The following PARD3B variants were observed in gnomAD, a reference collection of about 807,000 sequenced individuals.
The protein encoded by PARD3B is partitioning defective 3 homolog B.
Under a neutral mutation model 130.2 loss-of-function variants are expected in PARD3B, and 103 were observed. That is an observed-to-expected ratio of 0.79 (90% CI 0.67 to 0.93). PARD3B has a LOEUF of 0.93. PARD3B is among the 40% of genes least tolerant of loss of function. The probability of loss-of-function intolerance (pLI) is 0.00; values close to 1 mark genes in which losing one functional copy is unlikely to be tolerated. For missense variants in PARD3B, 1,609 were observed against 1,499.2 expected (o/e 1.07, Z -1.21); for synonymous variants, 583 against 553.2 (o/e 1.05, Z -0.76).
intron 2 of PARD3B, among the ~76,000 whole-genome samples, chr2:204,786,998 A>G (rs1369642603): frequency 6.6e-6 from 1 of 152,096 alleles, no homozygotes; most frequent in Non-Finnish European, 1.5e-5. Context: ...GTTTCTTTAG[A>G]GTCTAGATCA....
chr2:204,834,699 A>T (rs1344646749), intron 2 of PARD3B, among the ~76,000 whole-genome samples: 1 of 152,206 alleles, frequency 6.6e-6, no homozygotes, highest in Non-Finnish European at 1.5e-5. Context: ...AGCTGGCAAA[A>T]GGAAAATAGG....
intron 1 of PARD3B, among the ~76,000 whole-genome samples, chr2:204,568,506 A>T (rs922521614): frequency 3.9e-5 from 6 of 152,194 alleles, no homozygotes; most frequent in South Asian, 2.1e-4. Context: ...CTTTAAAAAA[A>T]TTTTTTTAAG....
intron 22 of PARD3B, among the ~76,000 whole-genome samples, chr2:205,582,513 C>T (rs1168012935): frequency 6.6e-6 from 1 of 151,994 alleles, no homozygotes; most frequent in African/African-American, 2.4e-5. Context: ...GTTTGAGGTT[C>T]TCAAGGAGGC....
At chr2:205,026,976 T>C (rs1244555658) in intron 3 of PARD3B, among the ~76,000 whole-genome samples, 1 of 152,186 alleles carries the variant, frequency 6.6e-6, no homozygotes, top group Non-Finnish European at 1.5e-5. Context: ...ATCTTAGTTA[T>C]TGAAGTAACG....
chr2:205,351,913 C>G lies in PARD3B; in HGVS notation c.2631-49100C>G, dbSNP rs554499873. Among the ~76,000 whole-genome samples the G allele has an allele frequency of 8.5e-4, 130 of 152,256 alleles. No homozygotes were observed. Among genetic ancestry groups the G allele is most frequent in the South Asian group, 1.7e-3 (8 of 4,816 alleles). On this transcript the variant is annotated intron_variant, in intron 18 of 22. Coordinates refer to ENST00000406610, the MANE Select transcript of PARD3B (RefSeq NM_001302769.2). This position sits in a 1 kb window ranked among gnomAD's most constrained non-coding sequence, Gnocchi z 4.2. ...AACATCCCAGTGTCTTTCTGTCAAG[C>G]TACCTGCCTCCCAGGTACACGCGTA...
rs1223792286 is a variant in PARD3B at position 205,091,364 on chromosome 2, A to C, written c.505-13062A>C. On this transcript the variant is annotated intron_variant, in intron 4 of 22. Transcript: ENST00000406610. This position sits in a 1 kb window ranked among gnomAD's most constrained non-coding sequence, Gnocchi z 4.2. ...GGGAGGTTTGTATGTGGAGTGATGT[A>C]TTTTCAAAGAGGCTCCAGAAAAGAT... Among the ~76,000 whole-genome samples, 1 of 152,050 alleles carries C rather than the reference A, an allele frequency of 6.6e-6. No homozygotes were observed. Among genetic ancestry groups the C allele is most frequent in the African/African-American group, 2.4e-5 (1 of 41,412 alleles).
chr2:204,883,635 A>G (rs559842674), intron 2 of PARD3B, among the ~76,000 whole-genome samples: 76 of 150,860 alleles, frequency 5.0e-4, no homozygotes, highest in Non-Finnish European at 9.7e-4. Flanking sequence ...TAGTAGAGAC[A>G]GGGTTTCACC....
intron 3 of PARD3B, among the ~76,000 whole-genome samples, chr2:205,038,196 TGCCA>T (rs1182055731): frequency 1.3e-5 from 2 of 152,180 alleles, no homozygotes; most frequent in African/African-American, 4.8e-5. Context: ...GGTCCTTGAA[TGCCA>T]GAACAAGAAA....
chr2:204,774,762 G>A (rs1005599100), intron 2 of PARD3B, among the ~76,000 whole-genome samples: 2 of 152,138 alleles, frequency 1.3e-5, no homozygotes, highest in South Asian at 4.1e-4. Context: ...TTTTATTGTG[G>A]TCTGTATTTC....
At chr2:205,304,699 G>A (rs2042129862) in intron 18 of PARD3B, among the ~76,000 whole-genome samples, 1 of 151,964 alleles carries the variant, frequency 6.6e-6, no homozygotes, top group Non-Finnish European at 1.5e-5. Context: ...ACTTTGAGAG[G>A]CTGAGATGGG....
intron 2 of PARD3B, among the ~76,000 whole-genome samples, chr2:204,746,359 A>C (rs1455023450): frequency 2.0e-5 from 3 of 151,658 alleles, no homozygotes; most frequent in Non-Finnish European, 4.4e-5. Context: ...TACGTGCCAC[A>C]TTTTCTTAAT....
At chr2:204,711,253 A>T (rs1197257567) in intron 2 of PARD3B, among the ~76,000 whole-genome samples, 1 of 152,194 alleles carries the variant, frequency 6.6e-6, no homozygotes, top group African/African-American at 2.4e-5. Context: ...ATATTTCTAG[A>T]ATACTGACAC....
chr2:204,586,669 TCTA>T (rs1259381382), intron 1 of PARD3B, among the ~76,000 whole-genome samples: 1 of 151,768 alleles, frequency 6.6e-6, no homozygotes, highest in East Asian at 1.9e-4. Flanking sequence ...CTTCCATAAA[TCTA>T]CTACTTTCCA....
intron 2 of PARD3B, among the ~76,000 whole-genome samples, chr2:204,874,329 C>T (rs538541242): frequency 2.0e-5 from 3 of 152,146 alleles, no homozygotes; most frequent in Non-Finnish European, 2.9e-5. Flanking sequence ...CAAAAAGATG[C>T]GTGAATTCTG....
At chr2:204,631,330 AC>A (rs986009931) in intron 1 of PARD3B, among the ~76,000 whole-genome samples, 1 of 150,944 alleles carries the variant, frequency 6.6e-6, no homozygotes, top group African/African-American at 2.4e-5. Flanking sequence ...GCTCACTGCA[AC>A]CTCTGCCTCT....
chr2:205,246,291 A>G (rs945508272), intron 16 of PARD3B, among the ~76,000 whole-genome samples: 6 of 148,092 alleles, frequency 4.1e-5, no homozygotes, highest in African/African-American at 1.2e-4. Context: ...GGATGTATGC[A>G]TTATTTTTAT....
chr2:205,038,215 G>T (rs537536369), intron 3 of PARD3B, among the ~76,000 whole-genome samples: 58 of 152,268 alleles, frequency 3.8e-4, no homozygotes, highest in African/African-American at 1.4e-3. Flanking sequence ...AAGAAATTGG[G>T]AGGTTGACGC....
chr2:205,303,607 A>G (rs914836671), intron 18 of PARD3B, among the ~76,000 whole-genome samples: 1 of 152,088 alleles, frequency 6.6e-6, no homozygotes, highest in Non-Finnish European at 1.5e-5. Flanking sequence ...TCACCCCACC[A>G]TAGAGATGTT....
chr2:205,024,290 C>T (rs779466021), intron 3 of PARD3B, among the ~76,000 whole-genome samples: 20 of 150,806 alleles, frequency 1.3e-4, no homozygotes, highest in Non-Finnish European at 1.6e-4. Flanking sequence ...GCCTCAGCCT[C>T]CCAAGTAGTT....
Sources: allele counts gnomAD v4.1 joint callset (sites outside exome capture counted in the v4.1 genomes callset), GRCh38; gene constraint gnomAD v4.1.1; non-coding constraint Gnocchi (gnomAD v3.1); transcripts MANE v1.5; gene names NCBI Gene and HGNC (gene_info 2026-07-23, HGNC 2026-07-21).